Variants in PANX1 observed in about 807,000 individuals in gnomAD.
The protein encoded by PANX1 is pannexin-1.
A neutral mutation model predicts 38.7 loss-of-function variants in PANX1; 30 were observed. That is an observed-to-expected ratio of 0.78 (90% confidence interval 0.58 to 1.05). PANX1 has a LOEUF of 1.05. PANX1 is among the 50% of genes least tolerant of loss of function. The pLI is 0.00. For synonymous variants in PANX1, 230 were observed against 212.2 expected, an observed-to-expected ratio of 1.08 and a Z score of -0.73; for missense variants, 551 against 517.2, an observed-to-expected ratio of 1.07 and a Z score of -0.63.
At chr11:94,158,338 C>T (rs557131930) in intron 2 of PANX1, among the ~76,000 whole-genome samples, 6 of 152,266 alleles carry the variant, frequency 3.9e-5, no homozygotes, top group Admixed American at 1.3e-4. Flanking sequence ...TTACCTTGGG[C>T]AGTATGGCCA....
chr11:94,176,545 T>G (rs1422061391), intron 2 of PANX1, among the ~76,000 whole-genome samples: 1 of 151,518 alleles, frequency 6.6e-6, no homozygotes, highest in Non-Finnish European at 1.5e-5. Flanking sequence ...TCATTAGCAA[T>G]GGGGGAAACT....
At chr11:94,147,769 T>C (rs747306082) in intron 1 of PANX1, among the ~76,000 whole-genome samples, 1 of 152,194 alleles carries the variant, frequency 6.6e-6, no homozygotes, top group Non-Finnish European at 1.5e-5. Context: ...TACAGACTAT[T>C]AATTCTTCCC....
At chr11:94,154,776 A>G (rs1345507349) in intron 2 of PANX1, among the ~76,000 whole-genome samples, 2 of 152,208 alleles carry the variant, frequency 1.3e-5, no homozygotes, top group Non-Finnish European at 2.9e-5. Flanking sequence ...TGTTGACTGG[A>G]AGCCTTACCA....
chr11:94,133,243 A>G (rs981377427), intron 1 of PANX1, among the ~76,000 whole-genome samples: 1 of 152,144 alleles, frequency 6.6e-6, no homozygotes, highest in Middle Eastern at 3.2e-3. Flanking sequence ...GTGTGGGGCT[A>G]CCTGGGCTGG....
rs1349438263 is a variant in PANX1 at position 94,179,773 on chromosome 11, ACT to A, written c.721_722del (p.Ser241ArgfsTer39). The A allele has an allele frequency of 6.2e-7, 1 of 1,613,642 alleles. No homozygotes were observed. Among genetic ancestry groups the A allele is most frequent in the Non-Finnish European group, 8.5e-7 (1 of 1,179,932 alleles). ...YLGYYFSLSS[L>X]SDEFVCSIKS... is the part of the protein sequence containing the mutation. ...TGGGCTATTACTTCAGCCTCTCCTC[ACT>A]CTCAGACGAGTTTGTGTGCAGCATC... On this transcript the variant is annotated frameshift_variant, in exon 4 of 5. Transcript: ENST00000227638. LOFTEE classifies it high-confidence loss of function.
rs1946955575 is a variant in PANX1 at position 94,156,927 on chromosome 11, C to T, written c.321+3297C>T. On this transcript the variant is annotated intron_variant, in intron 2 of 4. Transcript: ENST00000227638. ...GTGTGTGATGTTCCCCTTCCTGTGTCCATGTGTTGTCGTTGTTCAATTCCC... is the reference window on the plus strand; with the variant it reads ...GTGTGTGATGTTCCCCTTCCTGTGTTCATGTGTTGTCGTTGTTCAATTCCC... Among the ~76,000 whole-genome samples, 2 of 151,650 alleles carry T rather than the reference C, an allele frequency of 1.3e-5. 1 individual carries two copies. The highest frequency in any genetic ancestry group is 4.2e-4 in the South Asian group (2 of 4,780).
Position 94,180,251 on chromosome 11 carries a change from C to A in PANX1, c.1195C>A (p.Leu399Ile). The change falls in exon 4 of 5, where the codon CTC becomes ATC. Residue 399 changes from leucine to isoleucine, a missense_variant. Transcript: ENST00000227638. ...GGAGCAGGGGAACCAGACGGCAGAG[C>A]TCCAAGGTAGGGTTTGCTTTTGGCA... ...REEQGNQTAE[L>I]QGMNIDSETK... 1 of 1,599,738 alleles carries A rather than the reference C, an allele frequency of 6.3e-7. No homozygotes were observed. The highest frequency in any genetic ancestry group is 8.5e-7 in the Non-Finnish European group (1 of 1,170,292).
Position 94,179,647 on chromosome 11 carries a change from G to A in PANX1, c.591G>A (p.Glu197=), listed in dbSNP as rs766720266. 2 of 1,613,226 alleles carry A rather than the reference G, an allele frequency of 1.2e-6. No homozygotes were observed. Among genetic ancestry groups the A allele is most frequent in the Non-Finnish European group, 1.7e-6 (2 of 1,179,560 alleles). The change falls in exon 4 of 5, where the codon GAG becomes GAA. Residue 197 remains glutamate, a synonymous_variant. Coordinates refer to ENST00000227638, the MANE Select transcript of PANX1 (RefSeq NM_015368.4). ...SESHFKYPIV[E]QYLKTKKNSN... ...GCCACTTCAAGTACCCAATTGTGGA[G>A]CAGTACTTGAAGACAAAGAAAAATT...
At chr11:94,161,095 C>G (rs1947025922) in intron 2 of PANX1, among the ~76,000 whole-genome samples, 1 of 152,234 alleles carries the variant, frequency 6.6e-6, no homozygotes, top group Admixed American at 6.5e-5. Context: ...GAGAAATCAG[C>G]TGTTAGTCTG....
rs192335454 is a variant in PANX1 at position 94,171,050 on chromosome 11, T to C, written c.322-7319T>C. 9.2e-5 allele frequency among the ~76,000 whole-genome samples: 14 copies of C among 151,786 alleles called. No individual in the cohort carries two copies. In the East Asian group the frequency reaches 2.7e-3, roughly 29 times the overall value. On this transcript the variant is annotated intron_variant, in intron 2 of 4. Transcript: ENST00000227638. ...TACTGGCTATGCCTTCCCCATGCCC[T>C]CCTCATTGCTGTCATTCTCCCAGTC... is the stretch of plus-strand genomic sequence containing the variant.
At chr11:94,165,579 A>C (rs780970193) in intron 2 of PANX1, among the ~76,000 whole-genome samples, 2 of 152,184 alleles carry the variant, frequency 1.3e-5, no homozygotes. Context: ...GCTGCACATG[A>C]GGCTGTGATT....
chr11:94,178,351 T>A lies in PANX1; in HGVS notation c.322-18T>A. 1 of 1,596,588 alleles carries A rather than the reference T, an allele frequency of 6.3e-7. No homozygotes were observed. The highest frequency in any genetic ancestry group is 1.1e-5 in the South Asian group (1 of 90,746). ...TGGGGGGTTTGTTAAGCCCATGATT[T>A]GTTCTCTTGTTTTTCAGTTTTTCCC... On this transcript the variant is annotated intron_variant, in intron 2 of 4. Coordinates refer to ENST00000227638, the MANE Select transcript of PANX1 (RefSeq NM_015368.4).
chr11:94,140,666 TG>T (rs1306990674), intron 1 of PANX1, among the ~76,000 whole-genome samples: 1 of 152,202 alleles, frequency 6.6e-6, no homozygotes, highest in African/African-American at 2.4e-5. Context: ...TTGTGCAGAA[TG>T]TGTTTCTCTA....
intron 2 of PANX1, among the ~76,000 whole-genome samples, chr11:94,169,616 A>G (rs1415505782): frequency 6.6e-6 from 1 of 151,632 alleles, no homozygotes; most frequent in Non-Finnish European, 1.5e-5. Flanking sequence ...GAAGAGGGGA[A>G]TTTGGACACA....
chr11:94,160,754 G>T (rs905396393), intron 2 of PANX1, among the ~76,000 whole-genome samples: 9 of 152,112 alleles, frequency 5.9e-5, no homozygotes, highest in African/African-American at 1.7e-4. Flanking sequence ...ATGTGTGAAT[G>T]TGATCCTGTC....
chr11:94,142,194 A>G (rs1946770080), intron 1 of PANX1, among the ~76,000 whole-genome samples: 1 of 152,008 alleles, frequency 6.6e-6, no homozygotes, highest in African/African-American at 2.4e-5. Flanking sequence ...CTGCCCTAGG[A>G]TTATCTTCCC....
chr11:94,176,797 T>C (rs1035220277), intron 2 of PANX1, among the ~76,000 whole-genome samples: 1 of 151,684 alleles, frequency 6.6e-6, no homozygotes, highest in Admixed American at 6.6e-5. Context: ...AAGATGTCTC[T>C]GGGGTCAGAG....
rs966585782 is a variant in PANX1 at position 94,162,559 on chromosome 11, C to T, written c.321+8929C>T. On this transcript the variant is annotated intron_variant, in intron 2 of 4. Transcript: ENST00000227638. ...CTTCTGGTGTGCCATTTGCTAATAC[C>T]GTTGGATAAGCGCAGTATTAGGGTG... Among the ~76,000 whole-genome samples, 29 of 152,338 alleles carry T rather than the reference C, an allele frequency of 1.9e-4. 1 individual carries two copies. In the East Asian group the frequency reaches 2.5e-3, roughly 13 times the overall value.
chr11:94,129,231 G>A lies in PANX1; in HGVS notation c.-82G>A. Reference sequence around the variant, plus strand: ...GAAAGCGAAAGCCGCGCGCCCGGCCGGTGACTGGGTGAAGGCGCCGCGCAG... The same window carrying A: ...GAAAGCGAAAGCCGCGCGCCCGGCCAGTGACTGGGTGAAGGCGCCGCGCAG... On this transcript the variant is annotated 5_prime_UTR_variant, in exon 1 of 5. Transcript: ENST00000227638. 1 of 1,253,332 alleles carries A rather than the reference G, an allele frequency of 8.0e-7. No homozygotes were observed. The highest frequency in any genetic ancestry group is 2.7e-5 in the East Asian group (1 of 37,710). The allele number at this position is 1,253,332 out of a possible 1,614,324, so 77.6% of individuals were successfully genotyped here.
Sources: allele counts gnomAD v4.1 joint callset (sites outside exome capture counted in the v4.1 genomes callset), GRCh38; gene constraint gnomAD v4.1.1; transcripts MANE v1.5; gene names NCBI Gene and HGNC (gene_info 2026-07-23, HGNC 2026-07-21).